FLT3: variants seen among roughly 807,000 people sequenced by gnomAD.
The protein encoded by FLT3 is fms related receptor tyrosine kinase 3.
A neutral mutation model predicts 126.6 loss-of-function variants in FLT3; 46 were observed. The ratio of observed to expected loss-of-function variants is 0.36; its 90% CI spans 0.29 to 0.46. The LOEUF (loss-of-function observed/expected upper bound fraction) is 0.46, where lower values mean the gene tolerates loss of function less well. Ranked by LOEUF, FLT3 falls within the 20% of genes least tolerant of loss-of-function variation. The probability of loss-of-function intolerance (pLI) is 1.00; values close to 1 mark genes in which losing one functional copy is unlikely to be tolerated. For synonymous variants in FLT3, 404 were observed against 434.4 expected (o/e 0.93, Z 0.87); for missense variants, 1,069 against 1,190.3 (o/e 0.90, Z 1.50).
rs201932201 is a variant in FLT3 at position 28,033,151 on chromosome 13, A to AC, written c.1942+735dup. Among the ~76,000 whole-genome samples the AC allele has an allele frequency of 2.3e-3, 308 of 132,946 alleles. 1 individual carries two copies. Among genetic ancestry groups the AC allele is most frequent in the East Asian group, 5.5e-3 (24 of 4,386 alleles). 87.2% of individuals were successfully genotyped at this position (132,946 alleles called of 152,430 possible). ...GGCAATATGGTGAGACACCGTATCT[A>AC]CAAAAAAAAAAAAAAATTAGCCAAT... On this transcript the variant is annotated intron_variant, in intron 15 of 23. Transcript: ENST00000241453.
At chr13:28,060,457 A>G (rs1876441094) in intron 3 of FLT3, among the ~76,000 whole-genome samples, 1 of 40,388 alleles carries the variant, frequency 2.5e-5, no homozygotes, top group African/African-American at 9.4e-5. Flanking sequence ...TAAATAAGGT[A>G]AAAATATTTA....
At chr13:28,095,989 G>A (rs568916997) in intron 1 of FLT3, among the ~76,000 whole-genome samples, 1 of 152,144 alleles carries the variant, frequency 6.6e-6, no homozygotes, top group South Asian at 2.1e-4. Context: ...GGAACAGTTT[G>A]TTCCTTTTAC....
chr13:28,059,852 C>G (rs1273217325), intron 3 of FLT3, among the ~76,000 whole-genome samples: 1 of 151,728 alleles, frequency 6.6e-6, no homozygotes, highest in Non-Finnish European at 1.5e-5. Flanking sequence ...CCCAGCTACT[C>G]GGGAGGCTGA....
chr13:28,097,807 A>G (rs962967349), intron 1 of FLT3, among the ~76,000 whole-genome samples: 1 of 152,210 alleles, frequency 6.6e-6, no homozygotes. Flanking sequence ...AAGCAACAAG[A>G]GCAAAGAATG....
intron 19 of FLT3, among the ~76,000 whole-genome samples, chr13:28,019,830 C>A (rs1290055549): frequency 6.6e-6 from 1 of 152,162 alleles, no homozygotes; most frequent in Non-Finnish European, 1.5e-5. Context: ...CCTGCTTTCT[C>A]CCCACTGCTC....
chr13:28,056,250 A>T (rs1266751817), intron 4 of FLT3, among the ~76,000 whole-genome samples: 1 of 152,128 alleles, frequency 6.6e-6, no homozygotes, highest in Non-Finnish European at 1.5e-5. Context: ...TCTCATCTAC[A>T]TGCATGCAGG....
chr13:28,018,713 C>T (rs1370793470), intron 19 of FLT3, 124 bp from the exon 20 acceptor site: 3 of 1,005,348 alleles, frequency 3.0e-6, no homozygotes, highest in Non-Finnish European at 3.0e-6. Context: ...CTTTACTGGG[C>T]TGTGCCGTGA....
chr13:28,003,732 CTTTTG>C lies in FLT3; in HGVS notation c.*315_*319del, dbSNP rs746975737. Reference sequence around the variant, plus strand: ...ATATTAGCTTCTCCTTAGCAAAATGCTTTTGTTTTATGTATTTACAAGAATATACT... The same window carrying C: ...ATATTAGCTTCTCCTTAGCAAAATGCTTTTATGTATTTACAAGAATATACT... On this transcript the variant is annotated 3_prime_UTR_variant, in exon 24 of 24. Transcript: ENST00000241453. The C allele has an allele frequency of 1.7e-5, 5 of 289,852 alleles. No homozygotes were observed. The highest frequency in any genetic ancestry group is 3.3e-5 in the Non-Finnish European group (5 of 153,414). 18.0% of individuals were successfully genotyped at this position (289,852 alleles called of 1,614,324 possible).
chr13:28,005,209 G>T (rs1020278356), intron 23 of FLT3, among the ~76,000 whole-genome samples: 10 of 152,164 alleles, frequency 6.6e-5, no homozygotes, highest in African/African-American at 1.9e-4. Context: ...CGCGCCTGCA[G>T]TCCCAGCTAC....
At chr13:28,074,469 C>A (rs375103926) in intron 1 of FLT3, among the ~76,000 whole-genome samples, 1 of 152,066 alleles carries the variant, frequency 6.6e-6, no homozygotes, top group African/African-American at 2.4e-5. Context: ...GTATTTGTAA[C>A]TTTTTAAGAA....
intron 21 of FLT3, 63 bp downstream of exon 21, chr13:28,015,527 G>GCCC: frequency 1.6e-6 from 1 of 644,428 alleles, no homozygotes; most frequent in Non-Finnish European, 2.8e-6. Context: ...GGGTGGGGCG[G>GCCC]CACCGAGAGA....
chr13:28,011,709 TTC>T (rs748365416), intron 23 of FLT3, among the ~76,000 whole-genome samples: 2 of 60,872 alleles, frequency 3.3e-5, no homozygotes, highest in African/African-American at 1.1e-4. Flanking sequence ...CTTTCTCTTT[TTC>T]TCTTTCTTTC....
intron 19 of FLT3, among the ~76,000 whole-genome samples, chr13:28,022,701 G>A (rs1309137037): frequency 1.3e-5 from 2 of 152,178 alleles, no homozygotes; most frequent in East Asian, 3.8e-4. Context: ...GCAAGCAAAC[G>A]AGGAAGGAAG....
intron 23 of FLT3, among the ~76,000 whole-genome samples, chr13:28,007,896 A>G (rs1871049207): frequency 6.6e-6 from 1 of 152,224 alleles, no homozygotes; most frequent in African/African-American, 2.4e-5. Context: ...TTTCCTGATC[A>G]TCGCTATTAT....
chr13:28,066,728 T>C (rs890832819), intron 2 of FLT3, among the ~76,000 whole-genome samples: 1 of 152,040 alleles, frequency 6.6e-6, no homozygotes, highest in African/African-American at 2.4e-5. Flanking sequence ...GCATTCCAAT[T>C]AACATAGAGG....
intron 2 of FLT3, among the ~76,000 whole-genome samples, chr13:28,070,120 T>C (rs1877374040): frequency 6.6e-6 from 1 of 152,092 alleles, no homozygotes; most frequent in Non-Finnish European, 1.5e-5. Context: ...CTCAAAAATA[T>C]ACAGAATCTG....
chr13:28,057,324 T>TA (rs1189617417), intron 4 of FLT3, 23 bp downstream of exon 4: 2 of 991,828 alleles, frequency 2.0e-6, no homozygotes, highest in East Asian at 4.7e-5. Flanking sequence ...CAGGCTGGAA[T>TA]ACTAGTAGCA....
intron 9 of FLT3, among the ~76,000 whole-genome samples, chr13:28,045,783 C>T (rs1432408150): frequency 6.6e-6 from 1 of 151,526 alleles, no homozygotes; most frequent in African/African-American, 2.4e-5. Flanking sequence ...ATTGCTTGAA[C>T]CCAGGAGCTT....
At chr13:28,074,352 T>A (rs1393144895) in intron 1 of FLT3, among the ~76,000 whole-genome samples, 1 of 152,238 alleles carries the variant, frequency 6.6e-6, no homozygotes, top group Non-Finnish European at 1.5e-5. Flanking sequence ...CCACTTTTGC[T>A]GTTACTAATA....
Sources: gnomAD v4.1 joint callset for allele counts (sites outside exome capture counted in the v4.1 genomes callset) on GRCh38, gnomAD v4.1.1 for gene constraint, MANE v1.5 for transcripts, NCBI Gene and HGNC (gene_info 2026-07-23, HGNC 2026-07-21) for gene names.